PKD1L1: variants seen among roughly 807,000 people sequenced by gnomAD.
PKD1L1 encodes the protein polycystin 1 like 1, transient receptor potential channel interacting.
A neutral mutation model predicts 323.4 loss-of-function variants in PKD1L1; 236 were observed. The observed-to-expected ratio is 0.73, with a 90% CI of 0.66 to 0.81. PKD1L1 has a LOEUF of 0.81. Ranked by LOEUF, PKD1L1 falls within the 40% of genes least tolerant of loss-of-function variation. The pLI is 0.00. For synonymous variants in PKD1L1, 1,344 were observed against 1,335.0 expected (o/e 1.01, Z -0.15); for missense variants, 3,320 against 3,508.0 (o/e 0.95, Z 1.35).
Position 47,874,019 on chromosome 7 carries a change from G to C in PKD1L1, c.3785-9C>G, listed in dbSNP as rs1323254924. 3 of 1,543,742 alleles carry C rather than the reference G, an allele frequency of 1.9e-6. No homozygotes were observed. The highest frequency in any genetic ancestry group is 2.7e-6 in the Non-Finnish European group (3 of 1,118,830). On this transcript the variant is annotated splice_polypyrimidine_tract_variant and intron_variant, in intron 23 of 56. Transcript: ENST00000289672. ...TTCAGTGGAAACCATGACTGTGAGG[G>C]AACATGTCAGAAGAGGGTCATCTTG... is the stretch of plus-strand genomic sequence containing the variant.
In PKD1L1 at chr7:47,894,002, C is replaced by T; in HGVS notation, c.2329G>A (p.Ala777Thr). 2.5e-6 allele frequency: 4 copies of T among 1,611,898 alleles called. No homozygotes were observed. Among genetic ancestry groups the T allele is most frequent in the Non-Finnish European group, 3.4e-6 (4 of 1,178,956 alleles). The change falls in exon 15 of 57, where the codon GCC becomes ACC. Residue 777 changes from alanine to threonine, a missense_variant. By Grantham distance (58) the Ala-to-Thr change is moderately conservative (BLOSUM62 0). Coordinates refer to ENST00000289672, the MANE Select transcript of PKD1L1 (RefSeq NM_138295.5). Reference protein sequence around the residue: ...SNYCVGLEVRAQAPVSVISEG... With the variant: ...SNYCVGLEVRTQAPVSVISEG... ...GAGATCACACTGACAGGGGCCTGGG[C>T]TCGCACCTCCAGGCCCACACAGTAG...
At chr7:47,887,926 CA>C in intron 17 of PKD1L1, 63 bp downstream of exon 17, 1 of 1,491,564 alleles carries the variant, frequency 6.7e-7, no homozygotes, top group Non-Finnish European at 9.2e-7. Context: ...AACATTTTAG[CA>C]ATCTCACAAT....
intron 56 of PKD1L1, among the ~76,000 whole-genome samples, chr7:47,777,676 T>C (rs984423157): frequency 3.3e-5 from 5 of 152,198 alleles, no homozygotes; most frequent in Non-Finnish European, 7.3e-5. Context: ...GTAAAAGCCA[T>C]GCTGCTGCTA....
intron 49 of PKD1L1, among the ~76,000 whole-genome samples, chr7:47,812,549 C>T (rs924595870): frequency 6.6e-6 from 1 of 152,158 alleles, no homozygotes; most frequent in Non-Finnish European, 1.5e-5. Context: ...TAGACCTCCC[C>T]GTTGCTCTAA....
chr7:47,870,378 G>A (rs1200343934), intron 24 of PKD1L1, among the ~76,000 whole-genome samples: 3 of 133,888 alleles, frequency 2.2e-5, no homozygotes, highest in Non-Finnish European at 3.2e-5. Context: ...CAAAAAATAA[G>A]AGAGGGAAAA....
At chr7:47,934,366 G>T (rs1787827759) in intron 4 of PKD1L1, among the ~76,000 whole-genome samples, 1 of 152,148 alleles carries the variant, frequency 6.6e-6, no homozygotes, top group African/African-American at 2.4e-5. Flanking sequence ...TTGTGGTGCA[G>T]GGGTTCACAT....
At chr7:47,806,427 C>T (rs1255553323) in intron 52 of PKD1L1, among the ~76,000 whole-genome samples, 2 of 152,194 alleles carry the variant, frequency 1.3e-5, no homozygotes, top group Non-Finnish European at 2.9e-5. Context: ...ACTACAGTTA[C>T]ATGGGTAAGC....
At chr7:47,896,365 C>T (rs1266593061) in intron 14 of PKD1L1, among the ~76,000 whole-genome samples, 1 of 142,130 alleles carries the variant, frequency 7.0e-6, no homozygotes, top group Non-Finnish European at 1.5e-5. Flanking sequence ...GGAGTCCGTT[C>T]TGTCAGTCTT....
At chr7:47,930,976 T>C (rs113050535) in intron 6 of PKD1L1, 128 bp downstream of exon 6, 1 of 974,834 alleles carries the variant, frequency 1.0e-6, no homozygotes, top group African/African-American at 1.6e-5. Flanking sequence ...TGAAAGTCAC[T>C]GGACTCAACT....
chr7:47,903,967 A>C (rs1787145223), intron 12 of PKD1L1, among the ~76,000 whole-genome samples: 1 of 151,608 alleles, frequency 6.6e-6, no homozygotes, highest in Admixed American at 6.6e-5. Context: ...GCCAACCTAC[A>C]CTCATCTCAC....
chr7:47,796,567 T>C (rs894599354), intron 54 of PKD1L1, among the ~76,000 whole-genome samples: 7 of 152,184 alleles, frequency 4.6e-5, no homozygotes, highest in Non-Finnish European at 5.9e-5. Context: ...CAGCAAGTTG[T>C]TGTGCCCTCA....
Position 47,890,731 on chromosome 7 carries a change from G to A in PKD1L1, c.2486C>T (p.Pro829Leu). 1 of 1,612,896 alleles carries A rather than the reference G, an allele frequency of 6.2e-7. No homozygotes were observed. Among genetic ancestry groups the A allele is most frequent in the South Asian group, 1.1e-5 (1 of 91,020 alleles). The change falls in exon 16 of 57, where the codon CCA becomes CTA. Residue 829 changes from proline (P) to leucine (L), a missense_variant. Physicochemically the swap from Pro to Leu is moderately conservative, Grantham distance 98. Coordinates refer to ENST00000289672, the MANE Select transcript of PKD1L1 (RefSeq NM_138295.5). ...GGAGGAGTCGAAGCAGGGATGTGCT[G>A]GGGAGCCAGCGGTGGCGCATTCCCA... Reference protein sequence around the residue: ...YHWECATAGSPAHPCFDSSTA... With the variant: ...YHWECATAGSLAHPCFDSSTA...
At chr7:47,906,064 T>C (rs754656129) in intron 9 of PKD1L1, 102 bp from the exon 10 acceptor site, 330 of 1,176,072 alleles carry the variant, frequency 2.8e-4, no homozygotes, top group Non-Finnish European at 3.7e-4. Flanking sequence ...CTTTCCCCCT[T>C]TGAATCTCAA....
intron 7 of PKD1L1, among the ~76,000 whole-genome samples, chr7:47,926,651 A>G (rs964215227): frequency 2.6e-5 from 4 of 152,222 alleles, no homozygotes; most frequent in Admixed American, 6.5e-5. Flanking sequence ...GTGTGAGTCT[A>G]AAGTTCATGT....
At chr7:47,820,454 G>A (rs970019186) in intron 46 of PKD1L1, among the ~76,000 whole-genome samples, 2 of 152,348 alleles carry the variant, frequency 1.3e-5, no homozygotes, top group African/African-American at 4.8e-5. Flanking sequence ...GCCGGGCGTA[G>A]TGGCGCACAC....
intron 4 of PKD1L1, among the ~76,000 whole-genome samples, chr7:47,935,450 C>T (rs1056037183): frequency 1.4e-4 from 21 of 152,136 alleles, no homozygotes; most frequent in African/African-American, 4.1e-4. Flanking sequence ...AAATGGAGTC[C>T]GAAAAACAAC....
At chr7:47,806,075 AGTG>A (rs1215545233) in intron 52 of PKD1L1, among the ~76,000 whole-genome samples, 1 of 152,166 alleles carries the variant, frequency 6.6e-6, no homozygotes, top group Non-Finnish European at 1.5e-5. Context: ...ATAGGACATC[AGTG>A]GGGAAAAGGG....
chr7:47,950,793 T>C (rs1019912715), upstream of PKD1L1, among the ~76,000 whole-genome samples: 7 of 152,094 alleles, frequency 4.6e-5, no homozygotes, highest in Admixed American at 2.6e-4. Flanking sequence ...AACTATACAA[T>C]GTTTCCATCA....
rs753442389 is a variant in PKD1L1, at chr7:47,813,938, A to T, written c.7166T>A (p.Leu2389Ter). ...GGAAAAGGAACATCTTACCTTGCATAAATGCCTAGGAAAAACTTTTAGCTG... is the reference window on the plus strand; with the variant it reads ...GGAAAAGGAACATCTTACCTTGCATTAATGCCTAGGAAAAACTTTTAGCTG... ...IRQLKVFPRHLCKPPRPFSAL... is the reference protein window; with the variant it reads ...IRQLKVFPRH The change falls in exon 48 of 57, where the codon TTA (leucine) becomes TAA (stop). Residue 2389 changes from leucine to a stop codon, truncating the protein, a stop_gained. Transcript: ENST00000289672. LOFTEE classifies it high-confidence loss of function. 1 of 1,613,440 alleles carries T rather than the reference A, an allele frequency of 6.2e-7. No homozygotes were observed. Among genetic ancestry groups the T allele is most frequent in the Non-Finnish European group, 8.5e-7 (1 of 1,179,376 alleles).
Sources: allele counts gnomAD v4.1 joint callset (sites outside exome capture counted in the v4.1 genomes callset), GRCh38; gene constraint gnomAD v4.1.1; transcripts MANE v1.5; gene names NCBI Gene and HGNC (gene_info 2026-07-23, HGNC 2026-07-21).